KCNJ15: variants seen among roughly 807,000 people sequenced by gnomAD.
KCNJ15 encodes ATP-sensitive inward rectifier potassium channel 15.
KCNJ15 carries 14 observed loss-of-function variants against 23.0 expected under a neutral mutation model. The ratio of observed to expected loss-of-function variants is 0.61; its 90% CI spans 0.40 to 0.95. The LOEUF (loss-of-function observed/expected upper bound fraction) is 0.95, where lower values mean the gene tolerates loss of function less well. Ranked by LOEUF, KCNJ15 falls within the 40% of genes least tolerant of loss-of-function variation. The probability of loss-of-function intolerance (pLI) is 0.00; values close to 1 mark genes in which losing one functional copy is unlikely to be tolerated. For synonymous variants in KCNJ15, 185 were observed against 183.2 expected (o/e 1.01, Z -0.08); for missense variants, 388 against 461.8 (o/e 0.84, Z 1.46).
chr21:38,232,158 T>G (rs1978327802), intron 1 of KCNJ15, among the ~76,000 whole-genome samples: 1 of 151,494 alleles, frequency 6.6e-6, no homozygotes, highest in Non-Finnish European at 1.5e-5. Context: ...TTTAAGATTT[T>G]CTATTTCCTC....
At chr21:38,298,664 G>A (rs1022097589) in intron 2 of KCNJ15, among the ~76,000 whole-genome samples, 6 of 152,152 alleles carry the variant, frequency 3.9e-5, no homozygotes, top group Non-Finnish European at 8.8e-5. Context: ...TTACTACTGA[G>A]TTTTAAAAAT....
chr21:38,233,925 T>G (rs557542365), intron 1 of KCNJ15, among the ~76,000 whole-genome samples: 1 of 152,146 alleles, frequency 6.6e-6, no homozygotes, highest in South Asian at 2.1e-4. Context: ...GTTTTATGTC[T>G]TTTAAAGAAG....
intron 1 of KCNJ15, among the ~76,000 whole-genome samples, chr21:38,283,001 A>G (rs74391353): frequency 0.016 from 2,506 of 152,256 alleles, 90 homozygotes; most frequent in African/African-American, 0.058. Flanking sequence ...GGGTCAGCCT[A>G]AGCAAAGGTA....
intron 1 of KCNJ15, among the ~76,000 whole-genome samples, chr21:38,232,351 A>G (rs914953711): frequency 1.3e-5 from 2 of 151,702 alleles, no homozygotes; most frequent in African/African-American, 2.4e-5. Context: ...TTCTTAGTCA[A>G]TCAAGCTGAA....
At chr21:38,291,163 A>C (rs1984573136) in intron 1 of KCNJ15, among the ~76,000 whole-genome samples, 1 of 152,142 alleles carries the variant, frequency 6.6e-6, no homozygotes, top group African/African-American at 2.4e-5. Context: ...CCAGTAGGCA[A>C]ATCCTTCCAA....
chr21:38,293,704 T>C (rs1160794770), intron 1 of KCNJ15, among the ~76,000 whole-genome samples: 5 of 150,626 alleles, frequency 3.3e-5, no homozygotes, highest in African/African-American at 4.9e-5. Flanking sequence ...TTCTGGGCCA[T>C]CCTTCAGTCC....
rs1985849504 is a variant in KCNJ15 at position 38,302,196 on chromosome 21, C to T, written c.*1807C>T. 1 of 152,130 alleles carries T rather than the reference C, an allele frequency of 6.6e-6. No homozygotes were observed. The highest frequency in any genetic ancestry group is 2.1e-4 in the South Asian group (1 of 4,834). The allele number at this position is 152,130 out of a possible 1,614,324, so 9.4% of individuals were successfully genotyped here. On this transcript the variant is annotated 3_prime_UTR_variant, in exon 3 of 3. Coordinates refer to ENST00000398938, the MANE Select transcript of KCNJ15 (RefSeq NM_170736.3). ...TGTTCATGTCTATTTGGTTCTAGTTCTATAAAAATATGAACATTGGGACTC... is the reference window on the plus strand; with the variant it reads ...TGTTCATGTCTATTTGGTTCTAGTTTTATAAAAATATGAACATTGGGACTC...
At position 38,278,658 on chromosome 21, in the gene KCNJ15, TAAC is replaced by T. The variant is rs1982990899; in HGVS notation, c.-116-18266_-116-18264del. On this transcript the variant is annotated intron_variant, in intron 1 of 2. Coordinates refer to ENST00000398938, the MANE Select transcript of KCNJ15 (RefSeq NM_170736.3). The stretch of plus-strand genomic sequence containing the variant: ...GGAGAAAGCACCTACCTAGAAAGGG[TAAC>T]ACCCCAAAGGATAGACATGAGAACG... Among the ~76,000 whole-genome samples the T allele has an allele frequency of 6.6e-5, 10 of 152,204 alleles. No individual in the cohort carries two copies. In the South Asian group the frequency reaches 2.1e-3, roughly 32 times the overall value.
chr21:38,271,652 ATTC>A (rs1939829897), intron 1 of KCNJ15, among the ~76,000 whole-genome samples: 1 of 152,146 alleles, frequency 6.6e-6, no homozygotes, highest in Non-Finnish European at 1.5e-5. Context: ...GTATTTGAGT[ATTC>A]TTCTCAATGG....
intron 1 of KCNJ15, among the ~76,000 whole-genome samples, chr21:38,259,992 G>A (rs1980708285): frequency 6.6e-6 from 1 of 152,110 alleles, no homozygotes; most frequent in Non-Finnish European, 1.5e-5. Flanking sequence ...ACCTTTAAAA[G>A]GAGAACTAAG....
At chr21:38,237,706 A>G (rs964708924) in intron 1 of KCNJ15, among the ~76,000 whole-genome samples, 4 of 152,194 alleles carry the variant, frequency 2.6e-5, no homozygotes, top group Admixed American at 6.5e-5. Flanking sequence ...ACAAGGATCA[A>G]TGGTGTTGAG....
rs1461685160 is a variant in KCNJ15, at chr21:38,300,306, C to G, written c.1045C>G (p.Gln349Glu). The G allele has an allele frequency of 6.2e-7, 1 of 1,614,056 alleles. No individual in the cohort carries two copies. The highest frequency in any genetic ancestry group is 8.5e-7 in the Non-Finnish European group (1 of 1,179,928). The change falls in exon 3 of 3, where the codon CAG becomes GAG. Residue 349 changes from glutamine to glutamate, a missense_variant. Gln to Glu is a conservative substitution (Grantham distance 29). Coordinates refer to ENST00000398938, the MANE Select transcript of KCNJ15 (RefSeq NM_170736.3). ...ATTTTACTGTGCAGATTCTGAGAAA[C>G]AGCAACTCGAGGAGAAGTACAGGCA... ...CTFYCADSEK[Q>E]QLEEKYRQED... is the part of the protein sequence containing the mutation.
chr21:38,290,708 G>C (rs957660064), intron 1 of KCNJ15, among the ~76,000 whole-genome samples: 1 of 152,144 alleles, frequency 6.6e-6, no homozygotes, highest in Non-Finnish European at 1.5e-5. Flanking sequence ...AGATGCTGCG[G>C]TTGGATGAGG....
intron 1 of KCNJ15, among the ~76,000 whole-genome samples, chr21:38,273,300 T>A (rs1982299858): frequency 6.6e-6 from 1 of 152,224 alleles, no homozygotes; most frequent in Non-Finnish European, 1.5e-5. Context: ...AAGGCCTGGT[T>A]AACTCTTACT....
rs3746875 is a variant in KCNJ15, at chr21:38,299,349, A to C, written c.88A>C (p.Met30Leu). The change falls in exon 3 of 3, where the codon ATG becomes CTG. Residue 30 changes from methionine to leucine, a missense_variant. Physicochemically the swap from Met to Leu is conservative, Grantham distance 15. Coordinates refer to ENST00000398938, the MANE Select transcript of KCNJ15 (RefSeq NM_170736.3). The surrounding 1 kb of genome is among the most constrained non-coding windows in gnomAD (Gnocchi z 4.5). ...AGLKANRPRV[M>L]SKSGHSNVRI... is the part of the protein sequence containing the mutation. ...GCTCAAGGCCAACAGACCCCGCGTC[A>C]TGTCCAAGAGTGGGCACAGCAACGT... is the stretch of plus-strand genomic sequence containing the variant. The C allele has an allele frequency of 1.5e-4, 239 of 1,614,190 alleles. 1 individual carries two copies. In the East Asian group the frequency reaches 5.2e-3, roughly 35 times the overall value.
chr21:38,264,642 G>T (rs535163716), intron 1 of KCNJ15, among the ~76,000 whole-genome samples: 19 of 152,280 alleles, frequency 1.2e-4, no homozygotes, highest in Middle Eastern at 3.4e-3. Context: ...TCCTGCAAAC[G>T]CACAGCAGAG....
At chr21:38,278,286 G>C (rs1982953392) in intron 1 of KCNJ15, among the ~76,000 whole-genome samples, 2 of 152,212 alleles carry the variant, frequency 1.3e-5, no homozygotes, top group African/African-American at 4.8e-5. Context: ...GGAAGGTGGT[G>C]GGGTGTGATG....
At chr21:38,249,408 C>A (rs1053195936) in intron 1 of KCNJ15, among the ~76,000 whole-genome samples, 11 of 152,074 alleles carry the variant, frequency 7.2e-5, no homozygotes, top group African/African-American at 2.7e-4. Flanking sequence ...GGGAAGTAAG[C>A]AGAGGTGAGT....
upstream of KCNJ15, among the ~76,000 whole-genome samples, chr21:38,255,728 C>T (rs1039205173): frequency 1.3e-5 from 2 of 152,188 alleles, no homozygotes; most frequent in Non-Finnish European, 2.9e-5. Context: ...CACCCCATCC[C>T]TTCCAGCTCC....
Sources: gnomAD v4.1 joint callset for allele counts (sites outside exome capture counted in the v4.1 genomes callset) on GRCh38, gnomAD v4.1.1 for gene constraint, Gnocchi (gnomAD v3.1) non-coding constraint, MANE v1.5 for transcripts, NCBI Gene and HGNC (gene_info 2026-07-23, HGNC 2026-07-21) for gene names.